Variants in NDUFA10 observed in about 807,000 individuals in gnomAD.
NDUFA10 encodes NADH dehydrogenase [ubiquinone] 1 alpha subcomplex subunit 10, mitochondrial.
In NDUFA10, 40 loss-of-function variants were observed where a neutral mutation model predicts 47.8. That is an observed-to-expected ratio of 0.84 (90% CI 0.65 to 1.09). The LOEUF is 1.09. Among genes scored for constraint, NDUFA10 ranks in the 50% least tolerant of loss-of-function variants. The pLI is 0.00. For synonymous variants in NDUFA10, 183 were observed against 172.2 expected (o/e 1.06, Z -0.49); for missense variants, 413 against 451.1 (o/e 0.92, Z 0.76).
At chr2:239,895,523 TA>T (rs1208886230) in intron 4 of NDUFA10, among the ~76,000 whole-genome samples, 1 of 152,220 alleles carries the variant, frequency 6.6e-6, no homozygotes, top group Admixed American at 6.5e-5. Flanking sequence ...TTAACAGTGT[TA>T]AAAAACAAAA....
intron 5 of NDUFA10, chr2:240,014,488 G>A: frequency 3.9e-6 from 2 of 519,422 alleles, no homozygotes; most frequent in Non-Finnish European, 7.0e-6. Context: ...AAACAGCTGA[G>A]GGGACTCGGG....
In NDUFA10 at chr2:239,973,391, T is replaced by C. The variant is rs548964123; in HGVS notation, c.1000-12205A>G. On this transcript the variant is annotated intron_variant, in intron 9 of 9. Coordinates refer to ENST00000252711, the MANE Select transcript of NDUFA10 (RefSeq NM_004544.4). ...GGTGAATTTCATAAAGGCAAGAACATACAGTATTAACATATTAAAGTTAAT... is the reference window on the plus strand; with the variant it reads ...GGTGAATTTCATAAAGGCAAGAACACACAGTATTAACATATTAAAGTTAAT... 4 of 403,622 alleles carry C rather than the reference T, an allele frequency of 9.9e-6. No homozygotes were observed. The East Asian group carries it at 2.9e-4, about 29-fold the overall frequency. The allele number at this position is 403,622 out of a possible 1,614,324, so 25.0% of individuals were successfully genotyped here.
intron 9 of NDUFA10, among the ~76,000 whole-genome samples, chr2:239,972,099 G>A (rs1268473566): frequency 6.6e-6 from 1 of 151,918 alleles, no homozygotes; most frequent in Non-Finnish European, 1.5e-5. Context: ...GACATTCAAG[G>A]ATGCTCAGTT....
intron 1 of NDUFA10, among the ~76,000 whole-genome samples, chr2:240,023,925 G>A (rs559225293): frequency 2.2e-4 from 34 of 152,342 alleles, no homozygotes; most frequent in South Asian, 8.3e-4. Context: ...TTCCAAAGTT[G>A]AAACAAGATA....
Position 239,942,836 on chromosome 2 carries a change from CTCTT to C in NDUFA10, c.294+47234_294+47237del, listed in dbSNP as rs529457031. Among the ~76,000 whole-genome samples, 114 of 152,306 alleles carry C rather than the reference CTCTT, an allele frequency of 7.5e-4. 1 individual carries two copies. The highest frequency in any genetic ancestry group is 7.0e-3 in the South Asian group (34 of 4,824). ...TAACACAGCACTGGAGGGGTTTTAA[CTCTT>C]TCCACAAAACCTGGCAAAGGCTCGT... On this transcript the variant is annotated intron_variant, in intron 4 of 5. Coordinates refer to the NDUFA10 transcript ENST00000419408.
chr2:239,922,056 C>G (rs1392312112), intron 4 of NDUFA10, among the ~76,000 whole-genome samples: 1 of 137,132 alleles, frequency 7.3e-6, no homozygotes, highest in Non-Finnish European at 1.5e-5. Context: ...TTCCCTCCCT[C>G]CCTTCCTTCT....
intron 4 of NDUFA10, among the ~76,000 whole-genome samples, chr2:239,913,616 C>T (rs906466505): frequency 2.0e-5 from 3 of 152,224 alleles, no homozygotes; most frequent in African/African-American, 7.2e-5. Context: ...GGGGCAGGGT[C>T]CTTTCCTGCA....
At chr2:239,937,780 A>T (rs2106376859) in intron 4 of NDUFA10, among the ~76,000 whole-genome samples, 1 of 152,328 alleles carries the variant, frequency 6.6e-6, no homozygotes, top group African/African-American at 2.4e-5. Context: ...CACCCCACTG[A>T]CAACACACAA....
Position 239,960,053 on chromosome 2 carries a change from T to A in NDUFA10, c.*1065A>T. The A allele has an allele frequency of 1.0e-6, 1 of 985,046 alleles. No homozygotes were observed. The highest frequency in any genetic ancestry group is 1.2e-6 in the Non-Finnish European group (1 of 829,558). The allele number at this position is 985,046 out of a possible 1,614,324, so 61.0% of individuals were successfully genotyped here. On this transcript the variant is annotated 3_prime_UTR_variant, in exon 10 of 10. Coordinates refer to ENST00000252711, the MANE Select transcript of NDUFA10 (RefSeq NM_004544.4). ...CAAGGAACCCAATTTTAAACTCTAT[T>A]ACATTTTAGCTCATTTAAATTTCAA...
intron 4 of NDUFA10, among the ~76,000 whole-genome samples, chr2:239,900,977 G>A (rs908070980): frequency 1.3e-5 from 2 of 152,242 alleles, no homozygotes; most frequent in African/African-American, 4.8e-5. Context: ...GATGTAGGTG[G>A]TTACACTAAA....
intron 9 of NDUFA10, among the ~76,000 whole-genome samples, chr2:239,972,309 T>G (rs1695336546): frequency 6.6e-6 from 1 of 152,144 alleles, no homozygotes; most frequent in Non-Finnish European, 1.5e-5. Flanking sequence ...TGAGGGCCTG[T>G]GTACCGGGTG....
chr2:239,929,298 C>T (rs1172450979), intron 4 of NDUFA10, among the ~76,000 whole-genome samples: 1 of 152,108 alleles, frequency 6.6e-6, no homozygotes, highest in Non-Finnish European at 1.5e-5. Context: ...CGGGCAGAGA[C>T]GCAGACACCG....
chr2:239,925,933 C>T (rs1694056899), intron 4 of NDUFA10, among the ~76,000 whole-genome samples: 1 of 152,094 alleles, frequency 6.6e-6, no homozygotes. Context: ...GAAATGAAGA[C>T]CACAATGAAA....
downstream of NDUFA10, among the ~76,000 whole-genome samples, chr2:239,954,867 A>G (rs1694622351): frequency 6.6e-6 from 1 of 152,162 alleles, no homozygotes; most frequent in Admixed American, 6.5e-5. Flanking sequence ...CGGAAGTGTG[A>G]GTCCTGCGTT....
rs75451520 is a variant in NDUFA10 at position 239,895,050 on chromosome 2, A to G, written c.*14+155T>C. Among the ~76,000 whole-genome samples, 280 of 152,168 alleles carry G rather than the reference A, an allele frequency of 1.8e-3. 4 individuals are homozygous for G. Among genetic ancestry groups the G allele is most frequent in the African/African-American group, 6.6e-3 (273 of 41,516 alleles). On this transcript the variant is annotated intron_variant, in intron 5 of 5. Coordinates refer to the NDUFA10 transcript ENST00000419408. ...TTCCCAGTCTCTCCTTCACCCCCACATCTATCTTAGCCGGGCACTGGCTTT... is the reference window on the plus strand; with the variant it reads ...TTCCCAGTCTCTCCTTCACCCCCACGTCTATCTTAGCCGGGCACTGGCTTT...
chr2:239,962,141 G>A (rs1006776618), intron 9 of NDUFA10, among the ~76,000 whole-genome samples: 2 of 152,096 alleles, frequency 1.3e-5, no homozygotes, highest in East Asian at 1.9e-4. Flanking sequence ...GTCGCCCAGC[G>A]ATGGCAGGTG....
At chr2:239,948,756 T>G (rs1485682095) in intron 4 of NDUFA10, among the ~76,000 whole-genome samples, 1 of 152,218 alleles carries the variant, frequency 6.6e-6, no homozygotes, top group Non-Finnish European at 1.5e-5. Context: ...CTCCAGTGTC[T>G]GGGACAGAAA....
chr2:239,912,238 AG>A (rs1270634461), intron 4 of NDUFA10, among the ~76,000 whole-genome samples: 3 of 152,140 alleles, frequency 2.0e-5, no homozygotes, highest in Admixed American at 1.3e-4. Context: ...CCATAGAATA[AG>A]GCTGCCTACC....
chr2:239,972,112 C>T (rs934895753), intron 9 of NDUFA10, among the ~76,000 whole-genome samples: 2 of 150,798 alleles, frequency 1.3e-5, no homozygotes, highest in Non-Finnish European at 2.9e-5. Flanking sequence ...GCTCAGTTTC[C>T]CAGCTGAAAG....
Sources: allele counts gnomAD v4.1 joint callset (sites outside exome capture counted in the v4.1 genomes callset), GRCh38; gene constraint gnomAD v4.1.1; transcripts MANE v1.5; gene names NCBI Gene and HGNC (gene_info 2026-07-23, HGNC 2026-07-21).